Variants in TXNDC15 observed in about 807,000 individuals in gnomAD.
TXNDC15 encodes the protein thioredoxin domain containing 15.
Under a neutral mutation model 35.0 loss-of-function variants are expected in TXNDC15, and 24 were observed. The observed-to-expected ratio is 0.68, with a 90% CI of 0.50 to 0.96. TXNDC15 has a LOEUF of 0.96. Ranked by LOEUF, TXNDC15 falls within the 40% of genes least tolerant of loss-of-function variation. The pLI is 0.00. For missense variants in TXNDC15, 385 were observed against 453.3 expected (o/e 0.85, Z 1.37); for synonymous variants, 169 against 174.0 (o/e 0.97, Z 0.23).
At position 134,899,547 on chromosome 5, in the gene TXNDC15, C is replaced by T. The variant is rs1750560097; in HGVS notation, c.945C>T (p.Pro315=). The T allele has an allele frequency of 3.1e-6, 5 of 1,613,974 alleles. No individual in the cohort carries two copies. Among genetic ancestry groups the T allele is most frequent in the African/African-American group, 2.7e-5 (2 of 75,028 alleles). ...AAGCCGACCAAATAGGCCCTCTTCC[C>T]AGCACTTTGATAAAAAGTGTGGACT... ...VTQADQIGPL[P]STLIKSVDWL... The change falls in exon 5 of 5, where the codon CCC becomes CCT. Residue 315 remains proline, a synonymous_variant. Transcript: ENST00000358387.
intron 1 of TXNDC15, among the ~76,000 whole-genome samples, chr5:134,883,729 A>G (rs1291551668): frequency 6.6e-6 from 1 of 151,610 alleles, no homozygotes; most frequent in Non-Finnish European, 1.5e-5. Context: ...CCTGACCAAT[A>G]TGGCGAAACC....
chr5:134,887,456 G>A (rs1750297615), intron 1 of TXNDC15, among the ~76,000 whole-genome samples: 2 of 152,196 alleles, frequency 1.3e-5, no homozygotes, highest in Non-Finnish European at 2.9e-5. Flanking sequence ...CAAGGTGCTA[G>A]AATTACAGGT....
At chr5:134,881,743 C>G (rs1396839147) in intron 1 of TXNDC15, among the ~76,000 whole-genome samples, 1 of 149,476 alleles carries the variant, frequency 6.7e-6, no homozygotes, top group Non-Finnish European at 1.5e-5. Flanking sequence ...AGAGGGGCTC[C>G]TCACTTCCCA....
rs1348287857 is a variant in TXNDC15 at position 134,899,988 on chromosome 5, G to A, written c.*303G>A. The A allele has an allele frequency of 8.0e-6, 2 of 249,972 alleles. No individual in the cohort carries two copies. Among genetic ancestry groups the A allele is most frequent in the Non-Finnish European group, 1.5e-5 (2 of 132,698 alleles). 15.5% of individuals were successfully genotyped at this position (249,972 alleles called of 1,614,324 possible). Reference sequence around the variant, plus strand: ...TGAAGATGTATTCCGGCAGAATAGTGAGTAGAATGACATGCTTACTATACA... The same window carrying A: ...TGAAGATGTATTCCGGCAGAATAGTAAGTAGAATGACATGCTTACTATACA... On this transcript the variant is annotated 3_prime_UTR_variant, in exon 5 of 5. Transcript: ENST00000358387.
At chr5:134,894,254 G>A (rs1750444604) in intron 3 of TXNDC15, among the ~76,000 whole-genome samples, 1 of 151,820 alleles carries the variant, frequency 6.6e-6, no homozygotes, top group South Asian at 2.1e-4. Flanking sequence ...CATTCACTGG[G>A]TTTTTGTCCA....
intron 1 of TXNDC15, among the ~76,000 whole-genome samples, chr5:134,881,198 TA>T (rs1750136597): frequency 6.9e-6 from 1 of 145,250 alleles, no homozygotes; most frequent in Non-Finnish European, 1.5e-5. Context: ...TTTATTTATT[TA>T]TTTTTTTATT....
intron 1 of TXNDC15, among the ~76,000 whole-genome samples, chr5:134,880,851 T>G (rs1750127869): frequency 6.6e-6 from 1 of 152,188 alleles, no homozygotes; most frequent in Non-Finnish European, 1.5e-5. Flanking sequence ...ATGTTTTGTT[T>G]TTTTTCCTCT....
intron 1 of TXNDC15, among the ~76,000 whole-genome samples, chr5:134,880,087 G>A (rs1012226346): frequency 1.6e-4 from 25 of 151,528 alleles, no homozygotes; most frequent in South Asian, 4.2e-4. Flanking sequence ...TGAGCCACGC[G>A]CCCAGCCCCT....
rs3733897 is a variant in TXNDC15 at position 134,887,903 on chromosome 5, A to G, written c.312A>G (p.Lys104=). 227,022 of 1,614,102 alleles carry G rather than the reference A, an allele frequency of 0.14. 17,715 individuals are homozygous for G. The highest frequency in any genetic ancestry group is 0.32 in the East Asian group (14,195 of 44,862). The part of the protein sequence containing the change: ...LSVIPGEAED[K]VSSEPSGVTC... The stretch of plus-strand genomic sequence containing the variant: ...TGATTCCTGGGGAAGCTGAGGACAA[A>G]GTGAGTTCAGAGCCTAGCGGCGTCA... Residue 104 remains lysine (K), a synonymous_variant, in exon 2 of 5, where the codon AAA becomes AAG. Coordinates refer to ENST00000358387, the MANE Select transcript of TXNDC15 (RefSeq NM_024715.4).
At chr5:134,880,129 C>A (rs1287794667) in intron 1 of TXNDC15, among the ~76,000 whole-genome samples, 1 of 152,058 alleles carries the variant, frequency 6.6e-6, no homozygotes, top group African/African-American at 2.4e-5. Context: ...CTTTGTGTAT[C>A]CTCAGATTGC....
intron 2 of TXNDC15, among the ~76,000 whole-genome samples, chr5:134,889,724 C>G (rs1487115118): frequency 1.3e-5 from 2 of 152,162 alleles, no homozygotes; most frequent in Admixed American, 1.3e-4. Flanking sequence ...TACAGGCATA[C>G]CTCAAAGATA....
Position 134,899,716 on chromosome 5 carries a change from C to T in TXNDC15, c.*31C>T. The T allele has an allele frequency of 6.6e-7, 1 of 1,511,830 alleles. No homozygotes were observed. Among genetic ancestry groups the T allele is most frequent in the Non-Finnish European group, 8.9e-7 (1 of 1,126,190 alleles). 93.7% of individuals were successfully genotyped at this position (1,511,830 alleles called of 1,614,324 possible). On this transcript the variant is annotated 3_prime_UTR_variant, in exon 5 of 5. Coordinates refer to ENST00000358387, the MANE Select transcript of TXNDC15 (RefSeq NM_024715.4). ...GTCTGAAAGAAGTTGGAAAGAGGAA[C>T]TTCAATCCTTCGTTTCAGAAATTAG...
intron 1 of TXNDC15, among the ~76,000 whole-genome samples, chr5:134,883,017 C>T (rs965491349): frequency 2.0e-5 from 3 of 152,080 alleles, no homozygotes; most frequent in African/African-American, 7.2e-5. Flanking sequence ...GGGCTGGGCA[C>T]GGTGGCTCAT....
chr5:134,895,121 CAGTG>C (rs1021882203), intron 3 of TXNDC15, among the ~76,000 whole-genome samples: 1 of 151,840 alleles, frequency 6.6e-6, no homozygotes, highest in African/African-American at 2.4e-5. Flanking sequence ...GTCAAGGTCA[CAGTG>C]AGCCGTGATC....
intron 1 of TXNDC15, among the ~76,000 whole-genome samples, chr5:134,883,435 C>A (rs78523309): frequency 0.068 from 10,240 of 150,644 alleles, 765 homozygotes; most frequent in African/African-American, 0.19. Context: ...TCAAAAAAAA[C>A]CAAAAAAACA....
chr5:134,898,607 C>A (rs748591779), intron 4 of TXNDC15, among the ~76,000 whole-genome samples: 63 of 152,112 alleles, frequency 4.1e-4, no homozygotes, highest in Non-Finnish European at 8.1e-4. Context: ...GTTAGCTAGT[C>A]CAAGTCTTGT....
intron 1 of TXNDC15, among the ~76,000 whole-genome samples, chr5:134,886,188 A>T (rs1267386661): frequency 6.6e-6 from 1 of 152,250 alleles, no homozygotes; most frequent in Admixed American, 6.5e-5. Flanking sequence ...TCTGTTATGC[A>T]TCAGCAACAA....
intron 4 of TXNDC15, 143 bp from the exon 5 acceptor site, chr5:134,899,346 C>T (rs1364516460): frequency 1.1e-5 from 7 of 666,054 alleles, no homozygotes; most frequent in Non-Finnish European, 7.4e-6. Flanking sequence ...CAAGTGAAAT[C>T]CATCCCATAT....
At position 134,888,097 on chromosome 5, in the gene TXNDC15, G is replaced by A. The variant is rs1580864060; in HGVS notation, c.506G>A (p.Ser169Asn). 1 of 1,614,196 alleles carries A rather than the reference G, an allele frequency of 6.2e-7. No individual in the cohort carries two copies. The highest frequency in any genetic ancestry group is 8.5e-7 in the Non-Finnish European group (1 of 1,180,038). ...APTEDSNNTE[S>N]LKSPKVNCEE... ...ACAGAGGACTCCAATAACACTGAAA[G>A]TCTGAAATCCCCAAAGGTGAACTGT... is the stretch of plus-strand genomic sequence containing the variant. The change falls in exon 2 of 5, where the codon AGT (serine) becomes AAT (asparagine). Residue 169 changes from serine (S) to asparagine (N), a missense_variant. Transcript: ENST00000358387.
Sources: gnomAD v4.1 joint callset for allele counts (sites outside exome capture counted in the v4.1 genomes callset) on GRCh38, gnomAD v4.1.1 for gene constraint, MANE v1.5 for transcripts, NCBI Gene and HGNC (gene_info 2026-07-23, HGNC 2026-07-21) for gene names.